Variants in KCNQ1 observed in about 807,000 individuals in gnomAD.
KCNQ1 encodes the protein potassium voltage-gated channel subfamily KQT member 1.
KCNQ1 carries 49 observed loss-of-function variants against 72.4 expected under a neutral mutation model. The ratio of observed to expected loss-of-function variants is 0.68; its 90% CI spans 0.54 to 0.86. The LOEUF (loss-of-function observed/expected upper bound fraction) is 0.86, where lower values mean the gene tolerates loss of function less well. KCNQ1 is among the 40% of genes least tolerant of loss of function. The pLI is 0.00. For synonymous variants in KCNQ1, 450 were observed against 412.6 expected, an observed-to-expected ratio of 1.09 and a Z score of -1.10; for missense variants, 790 against 945.1, an observed-to-expected ratio of 0.84 and a Z score of 2.15.
intron 11 of KCNQ1, chr11:2,685,058 A>G (rs967211855): frequency 2.5e-6 from 1 of 398,516 alleles, no homozygotes; most frequent in African/African-American, 2.1e-5. Context: ...TTTAAAATGT[A>G]TGGGACAGCC....
At chr11:2,618,921 A>G (rs1404687475) in intron 10 of KCNQ1, 4 of 398,170 alleles carry the variant, frequency 1.0e-5, no homozygotes, top group Non-Finnish European at 1.3e-5. Flanking sequence ...ATTCCTAAGC[A>G]ATTTTTTTGA....
chr11:2,729,920 G>C (rs533632039), intron 11 of KCNQ1, among the ~76,000 whole-genome samples: 4 of 152,162 alleles, frequency 2.6e-5, no homozygotes, highest in Non-Finnish European at 5.9e-5. Context: ...CCAAAGCGAG[G>C]TGAATCTCAT....
chr11:2,633,552 G>C (rs1203824889), intron 10 of KCNQ1: 1 of 398,344 alleles, frequency 2.5e-6, no homozygotes, highest in Admixed American at 4.4e-5. Context: ...TTTATATGCT[G>C]AGAGATAGTA....
chr11:2,532,037 G>GCC (rs1348949857), intron 2 of KCNQ1, among the ~76,000 whole-genome samples: 21 of 152,320 alleles, frequency 1.4e-4, no homozygotes, highest in African/African-American at 4.6e-4. Flanking sequence ...CAGGGCCTTT[G>GCC]CAAGCCCTCT....
At chr11:2,594,778 C>T (rs770685983) in intron 10 of KCNQ1, among the ~76,000 whole-genome samples, 5 of 152,152 alleles carry the variant, frequency 3.3e-5, no homozygotes, top group Non-Finnish European at 5.9e-5. Context: ...TTTTAAACTA[C>T]AACTTTTAAT....
intron 13 of KCNQ1, 67 bp downstream of exon 13, chr11:2,776,121 A>G: frequency 7.4e-7 from 1 of 1,352,130 alleles, no homozygotes; most frequent in African/African-American, 1.4e-5. Context: ...CAGCTGCATG[A>G]TCAGCGGTGC....
chr11:2,576,299 G>A (rs1564822210), intron 6 of KCNQ1, among the ~76,000 whole-genome samples: 3 of 152,184 alleles, frequency 2.0e-5, no homozygotes, highest in Admixed American at 1.3e-4. Context: ...CCCCTTCGCC[G>A]GGGTGGGGAT....
At chr11:2,729,907 T>A (rs1243143120) in intron 11 of KCNQ1, among the ~76,000 whole-genome samples, 3 of 151,972 alleles carry the variant, frequency 2.0e-5, no homozygotes, top group African/African-American at 7.3e-5. Flanking sequence ...CCTTACAGTG[T>A]CCCCAAAGCG....
intron 1 of KCNQ1, among the ~76,000 whole-genome samples, chr11:2,523,090 T>G (rs1472892887): frequency 6.6e-6 from 1 of 152,246 alleles, no homozygotes; most frequent in Non-Finnish European, 1.5e-5. Context: ...GCGTGGTATT[T>G]GCAGCCAGTC....
In KCNQ1 at chr11:2,588,484, G is replaced by A. The variant is rs1391418615; in HGVS notation, c.1252-229G>A. ...CTGCTTCCTGCTGTCCTGTTAGCGA[G>A]GCCGTGAGCTCACAGGGCAGCACCT... On this transcript the variant is annotated intron_variant, in intron 9 of 15. Transcript: ENST00000155840. The surrounding 1 kb of genome is among the most constrained non-coding windows in gnomAD (Gnocchi z 5.6). Among the ~76,000 whole-genome samples, 1 of 152,172 alleles carries A rather than the reference G, an allele frequency of 6.6e-6. No homozygotes were observed. Among genetic ancestry groups the A allele is most frequent in the Non-Finnish European group, 1.5e-5 (1 of 68,028 alleles).
rs1850028019 is a variant in KCNQ1, at chr11:2,664,512, GTTTCCTCAGGGCCCA to G, written c.1514+2432_1514+2446del. The G allele has an allele frequency of 2.5e-6, 1 of 398,658 alleles. No homozygotes were observed. The highest frequency in any genetic ancestry group is 2.1e-5 in the African/African-American group (1 of 48,634). The allele number at this position is 398,658 out of a possible 1,614,324, so 24.7% of individuals were successfully genotyped here. On this transcript the variant is annotated intron_variant, in intron 11 of 15. Coordinates refer to ENST00000155840, the MANE Select transcript of KCNQ1 (RefSeq NM_000218.3). This position sits in a 1 kb window ranked among gnomAD's most constrained non-coding sequence, Gnocchi z 5.1. ...GAAGGCTGGCAGCAGTGGGCACCCT[GTTTCCTCAGGGCCCA>G]AACCGCCTGGCGGCAGGGGTGTGGG...
intron 1 of KCNQ1, among the ~76,000 whole-genome samples, chr11:2,500,602 TAGCAA>T (rs1846993738): frequency 6.6e-6 from 1 of 152,092 alleles, no homozygotes; most frequent in Non-Finnish European, 1.5e-5. Flanking sequence ...CTATTCACAA[TAGCAA>T]AGACTTGGAA....
At chr11:2,648,981 C>CTTTTTTCTTTTTTTTTTTTTT in intron 10 of KCNQ1, 1 of 213,306 alleles carries the variant, frequency 4.7e-6, no homozygotes, top group Non-Finnish European at 7.8e-6. Flanking sequence ...TTTTCTTTTT[C>CTTTTTTCTTTTTTTTTTTTTT]TTTTTTTTTT....
intron 11 of KCNQ1, chr11:2,680,455 T>C (rs1850376728): frequency 1.5e-5 from 6 of 398,536 alleles, no homozygotes; most frequent in Non-Finnish European, 2.7e-5. Flanking sequence ...TCTGGGTATT[T>C]TTAGGAGGAC....
intron 15 of KCNQ1, among the ~76,000 whole-genome samples, chr11:2,814,542 G>C (rs1415125830): frequency 6.6e-6 from 1 of 151,752 alleles, no homozygotes; most frequent in African/African-American, 2.4e-5. Flanking sequence ...GGGTGGGTGA[G>C]CTGATGGAGA....
Position 2,791,366 on chromosome 11 carries a change from C to T in KCNQ1, c.1794+13329C>T, listed in dbSNP as rs534955006. On this transcript the variant is annotated intron_variant, in intron 15 of 15. Coordinates refer to ENST00000155840, the MANE Select transcript of KCNQ1 (RefSeq NM_000218.3). ...TGCGGAGCCTTGTCTGTGCGGCAAA[C>T]CCTGCCTGGCTGCCCTGGCCAACCT... Among the ~76,000 whole-genome samples the T allele has an allele frequency of 1.6e-4, 25 of 152,252 alleles. No homozygotes were observed. In the East Asian group the frequency reaches 4.8e-3, roughly 29 times the overall value.
At chr11:2,699,552 G>A (rs1564862480) in intron 11 of KCNQ1, 7 of 320,746 alleles carry the variant, frequency 2.2e-5, no homozygotes, top group African/African-American at 8.0e-5. Flanking sequence ...GGAGGACCGC[G>A]CGGAGGAGAA....
intron 15 of KCNQ1, among the ~76,000 whole-genome samples, chr11:2,778,574 A>C (rs1175884114): frequency 6.6e-6 from 1 of 151,846 alleles, no homozygotes; most frequent in Non-Finnish European, 1.5e-5. Context: ...TGTGCCCATC[A>C]CTCGGTCCCT....
At chr11:2,775,367 G>T (rs1191606657) in intron 12 of KCNQ1, among the ~76,000 whole-genome samples, 2 of 152,238 alleles carry the variant, frequency 1.3e-5, no homozygotes, top group Non-Finnish European at 2.9e-5. Context: ...CCCACTGTGG[G>T]AGCCCAAGCA....
Sources: gnomAD v4.1 joint callset for allele counts (sites outside exome capture counted in the v4.1 genomes callset) on GRCh38, gnomAD v4.1.1 for gene constraint, Gnocchi (gnomAD v3.1) non-coding constraint, MANE v1.5 for transcripts, NCBI Gene and HGNC (gene_info 2026-07-23, HGNC 2026-07-21) for gene names.